BRINP3: variants seen among roughly 807,000 people sequenced by gnomAD.
The protein encoded by BRINP3 is BMP/retinoic acid inducible neural specific 3, also known as BMP/retinoic acid-inducible neural-specific protein 3.
Under a neutral mutation model 71.0 loss-of-function variants are expected in BRINP3, and 19 were observed. The ratio of observed to expected loss-of-function variants is 0.27; its 90% CI spans 0.19 to 0.39. BRINP3 has a LOEUF of 0.39. Ranked by LOEUF, BRINP3 falls within the 10% of genes least tolerant of loss-of-function variation. The pLI is 1.00. For synonymous variants in BRINP3, 380 were observed against 337.7 expected (o/e 1.13, Z -1.37); for missense variants, 959 against 940.8 (o/e 1.02, Z -0.25).
chr1:190,419,418 A>G (rs1673216354), intron 2 of BRINP3, among the ~76,000 whole-genome samples: 1 of 152,074 alleles, frequency 6.6e-6, no homozygotes, highest in African/African-American at 2.4e-5. Flanking sequence ...TCAAATAAAA[A>G]TCATTTTAGT....
chr1:190,299,320 T>C (rs1170602955), intron 2 of BRINP3, among the ~76,000 whole-genome samples: 1 of 152,008 alleles, frequency 6.6e-6, no homozygotes, highest in Non-Finnish European at 1.5e-5. Context: ...ATTAACATTA[T>C]AAAACTTAAG....
At chr1:190,203,745 A>T (rs1655218555) in intron 6 of BRINP3, among the ~76,000 whole-genome samples, 2 of 111,618 alleles carry the variant, frequency 1.8e-5, no homozygotes, top group African/African-American at 3.2e-5. Context: ...GATATCACTA[A>T]AGAAAATATA....
intron 7 of BRINP3, among the ~76,000 whole-genome samples, chr1:190,108,594 CAG>C (rs1308581699): frequency 3.4e-5 from 5 of 149,180 alleles, no homozygotes; most frequent in South Asian, 2.2e-4. Context: ...GTTCTAAAGA[CAG>C]AAGCAATCTA....
chr1:190,267,610 A>G (rs1052354119), intron 3 of BRINP3, among the ~76,000 whole-genome samples: 1 of 152,084 alleles, frequency 6.6e-6, no homozygotes, highest in African/African-American at 2.4e-5. Context: ...AAAAGAGTGG[A>G]AACGATAAAC....
At chr1:190,412,754 T>C (rs1672775563) in intron 2 of BRINP3, among the ~76,000 whole-genome samples, 1 of 152,062 alleles carries the variant, frequency 6.6e-6, no homozygotes. Context: ...GAGTATGTAG[T>C]ACTTTAATTA....
At chr1:190,268,895 T>A (rs1442274687) in intron 3 of BRINP3, among the ~76,000 whole-genome samples, 1 of 152,146 alleles carries the variant, frequency 6.6e-6, no homozygotes, top group Non-Finnish European at 1.5e-5. Context: ...CATGATCGAT[T>A]TTTTCTTGAG....
chr1:190,448,014 G>A (rs1675343067), intron 2 of BRINP3, among the ~76,000 whole-genome samples: 1 of 151,532 alleles, frequency 6.6e-6, no homozygotes, highest in Non-Finnish European at 1.5e-5. Context: ...TATTAAAAAA[G>A]TAAGACCATC....
chr1:190,433,350 T>C (rs1310298702), intron 2 of BRINP3, among the ~76,000 whole-genome samples: 2 of 152,238 alleles, frequency 1.3e-5, no homozygotes, highest in Admixed American at 6.5e-5. Context: ...AACTGTGGCA[T>C]TGAAAGCCTC....
intron 1 of BRINP3, among the ~76,000 whole-genome samples, chr1:190,457,931 A>C (rs1558305047): frequency 2.0e-5 from 3 of 151,934 alleles, no homozygotes; most frequent in African/African-American, 7.2e-5. Flanking sequence ...AAAAAAAAAA[A>C]AACTATATTG....
intron 2 of BRINP3, among the ~76,000 whole-genome samples, chr1:190,325,718 C>A (rs551128639): frequency 1.3e-5 from 2 of 152,150 alleles, no homozygotes; most frequent in South Asian, 4.1e-4. Context: ...GGCAGACCAA[C>A]AATAACACTT....
chr1:190,194,631 T>C (rs1447502211), intron 6 of BRINP3, among the ~76,000 whole-genome samples: 7 of 152,100 alleles, frequency 4.6e-5, no homozygotes, highest in Non-Finnish European at 8.8e-5. Flanking sequence ...GCAAGAAACC[T>C]GATTTTTTTT....
intron 2 of BRINP3, among the ~76,000 whole-genome samples, chr1:190,365,907 C>G (rs921287139): frequency 4.1e-5 from 6 of 147,680 alleles, no homozygotes; most frequent in African/African-American, 1.5e-4. Context: ...TTAAGAAATA[C>G]AGGTGGACCT....
intron 6 of BRINP3, among the ~76,000 whole-genome samples, chr1:190,177,988 A>G (rs1423168690): frequency 1.3e-5 from 2 of 152,222 alleles, no homozygotes; most frequent in Non-Finnish European, 2.9e-5. Flanking sequence ...AGTATTATAA[A>G]TAATCTAGAG....
At chr1:190,255,538 T>G (rs1420762877) in intron 4 of BRINP3, among the ~76,000 whole-genome samples, 2 of 152,034 alleles carry the variant, frequency 1.3e-5, no homozygotes, top group African/African-American at 4.8e-5. Context: ...GGAATTTGTC[T>G]ATTTCTTCTA....
intron 2 of BRINP3, among the ~76,000 whole-genome samples, chr1:190,282,470 A>G (rs1663114335): frequency 6.6e-6 from 1 of 152,050 alleles, no homozygotes; most frequent in African/African-American, 2.4e-5. Flanking sequence ...AGCAAACTGC[A>G]TCTGATAATT....
intron 6 of BRINP3, among the ~76,000 whole-genome samples, chr1:190,217,980 A>T (rs1656552414): frequency 6.6e-6 from 1 of 152,098 alleles, no homozygotes; most frequent in African/African-American, 2.4e-5. Flanking sequence ...TGAAAATATT[A>T]ATCTATTCAA....
chr1:190,162,405 A>C (rs1395082091), intron 6 of BRINP3, among the ~76,000 whole-genome samples: 2 of 152,138 alleles, frequency 1.3e-5, no homozygotes, highest in African/African-American at 4.8e-5. Flanking sequence ...TGCCTCCCAA[A>C]GTGCTGGGAT....
chr1:190,361,767 G>A (rs142539998), intron 2 of BRINP3, among the ~76,000 whole-genome samples: 114 of 152,154 alleles, frequency 7.5e-4, no homozygotes, highest in African/African-American at 2.6e-3. Flanking sequence ...ACTTCCATTA[G>A]GCATATTATG....
intron 2 of BRINP3, among the ~76,000 whole-genome samples, chr1:190,332,509 G>A (rs1378460894): frequency 6.6e-6 from 1 of 151,980 alleles, no homozygotes; most frequent in Non-Finnish European, 1.5e-5. Flanking sequence ...CTTCTCCTCA[G>A]TAGGAATGGT....
Sources: allele counts gnomAD v4.1 joint callset (sites outside exome capture counted in the v4.1 genomes callset), GRCh38; gene constraint gnomAD v4.1.1; transcripts MANE v1.5; gene names NCBI Gene and HGNC (gene_info 2026-07-23, HGNC 2026-07-21).